ASCC1: variants seen among roughly 807,000 people sequenced by gnomAD.
The protein encoded by ASCC1 is activating signal cointegrator 1 complex subunit 1.
In ASCC1, 35 loss-of-function variants were observed where a neutral mutation model predicts 46.6. The ratio of observed to expected loss-of-function variants is 0.75; its 90% CI spans 0.57 to 0.99. The LOEUF is 0.99. Ranked by LOEUF, ASCC1 falls within the 50% of genes least tolerant of loss-of-function variation. The pLI is 0.00. For synonymous variants in ASCC1, 143 were observed against 146.6 expected (o/e 0.98, Z 0.18); for missense variants, 376 against 428.7 (o/e 0.88, Z 1.09).
chr10:72,196,032 G>A (rs944753084), intron 5 of ASCC1, among the ~76,000 whole-genome samples: 1 of 151,916 alleles, frequency 6.6e-6, no homozygotes, highest in African/African-American at 2.4e-5. Context: ...TCAACTAACT[G>A]ATATCCAAAA....
intron 7 of ASCC1, chr10:72,133,624 A>T (rs1845855034): frequency 4.1e-6 from 1 of 245,994 alleles, no homozygotes; most frequent in Middle Eastern, 1.5e-3. Context: ...TACAGTTATG[A>T]CAGAGAGTGA....
In ASCC1 at chr10:72,152,868, C is replaced by A. The variant is rs1438601329; in HGVS notation, c.746+1G>T. 1 of 1,614,066 alleles carries A rather than the reference C, an allele frequency of 6.2e-7. No individual in the cohort carries two copies. Among genetic ancestry groups the A allele is most frequent in the Admixed American group, 1.7e-5 (1 of 60,010 alleles). ...AACAAAGAAGCATTCCAGAAATATA[C>A]CTGTTGGAGCCATCTTTCATATGGA... On this transcript the variant is annotated splice_donor_variant, in intron 7 of 9. Coordinates refer to ENST00000672957, the MANE Select transcript of ASCC1 (RefSeq NM_001198800.3). LOFTEE classifies it high-confidence loss of function.
intron 9 of ASCC1, among the ~76,000 whole-genome samples, chr10:72,127,745 C>T (rs1018441327): frequency 2.1e-5 from 3 of 146,220 alleles, no homozygotes; most frequent in African/African-American, 7.9e-5. Context: ...TATTCCAGCA[C>T]TTTGGGAGAC....
At chr10:72,181,253 C>T (rs772023381) in intron 5 of ASCC1, among the ~76,000 whole-genome samples, 6 of 152,034 alleles carry the variant, frequency 3.9e-5, no homozygotes, top group Non-Finnish European at 8.8e-5. Context: ...TGTGAGCCAC[C>T]GCGCCCGGCC....
intron 6 of ASCC1, among the ~76,000 whole-genome samples, chr10:72,157,978 T>C (rs1771047514): frequency 6.6e-6 from 1 of 152,226 alleles, no homozygotes; most frequent in Non-Finnish European, 1.5e-5. Context: ...AATCTCTGAC[T>C]GTAACATTTC....
At chr10:72,186,729 G>A (rs888213230) in intron 5 of ASCC1, among the ~76,000 whole-genome samples, 1 of 152,038 alleles carries the variant, frequency 6.6e-6, no homozygotes, top group African/African-American at 2.4e-5. Flanking sequence ...GCTGTTATCA[G>A]GGCCGAATTT....
At chr10:72,143,163 G>GAA (rs34005540) in intron 7 of ASCC1, among the ~76,000 whole-genome samples, 42 of 87,336 alleles carry the variant, frequency 4.8e-4, no homozygotes, top group African/African-American at 1.5e-3. Context: ...TCCGTCTCAG[G>GAA]AAAAAAAAAA....
chr10:72,172,287 CAA>C (rs1851201488), intron 5 of ASCC1, among the ~76,000 whole-genome samples: 4 of 151,522 alleles, frequency 2.6e-5, no homozygotes, highest in Non-Finnish European at 4.4e-5. Flanking sequence ...TAGTGGTGCA[CAA>C]CTGTAATCCC....
chr10:72,105,841 T>C (rs908733821), intron 9 of ASCC1, among the ~76,000 whole-genome samples: 1 of 152,170 alleles, frequency 6.6e-6, no homozygotes, highest in African/African-American at 2.4e-5. Context: ...CCCATTGCCC[T>C]GTGACACAGC....
At chr10:72,210,907 C>T (rs1857992479) in intron 2 of ASCC1, 76 bp from the exon 3 acceptor site, 9 of 1,397,494 alleles carry the variant, frequency 6.4e-6, no homozygotes, top group Middle Eastern at 3.6e-4. Context: ...AGCTGTCAAC[C>T]GCTGTTGAGG....
intron 5 of ASCC1, among the ~76,000 whole-genome samples, chr10:72,193,327 C>T (rs1854834045): frequency 6.6e-6 from 1 of 152,124 alleles, no homozygotes; most frequent in South Asian, 2.1e-4. Context: ...ACTCCTGAGA[C>T]ACACACAACT....
At chr10:72,103,505 C>T (rs563894470) in intron 9 of ASCC1, among the ~76,000 whole-genome samples, 5 of 152,204 alleles carry the variant, frequency 3.3e-5, no homozygotes, top group African/African-American at 9.6e-5. Context: ...TGCCTAAAGA[C>T]ACACACGAAG....
rs757586373 is a variant in ASCC1 at position 72,152,975 on chromosome 10, C to A, written c.640G>T (p.Gly214Cys). 1.2e-6 allele frequency: 2 copies of A among 1,614,034 alleles called. No homozygotes were observed. The highest frequency in any genetic ancestry group is 2.2e-5 in the South Asian group (2 of 91,078). The part of the protein sequence containing the change: ...KEEFINDISG[G>C]KPLEVEMAGI... ...GCCATCTCCACTTCTAGGGGTTTAC[C>A]CCCAGAAATATCACTGCAAAGGAAA... The change falls in exon 7 of 10, where the codon GGT becomes TGT. Residue 214 changes from glycine (G) to cysteine (C), a missense_variant. Coordinates refer to ENST00000672957, the MANE Select transcript of ASCC1 (RefSeq NM_001198800.3).
At chr10:72,099,257 G>A (rs1841442251) in intron 9 of ASCC1, among the ~76,000 whole-genome samples, 1 of 152,164 alleles carries the variant, frequency 6.6e-6, no homozygotes. Context: ...ATCTGCCAGG[G>A]ATATTCTCCT....
At chr10:72,170,273 AT>A (rs1460543630) in intron 5 of ASCC1, among the ~76,000 whole-genome samples, 1 of 152,182 alleles carries the variant, frequency 6.6e-6, no homozygotes, top group African/African-American at 2.4e-5. Flanking sequence ...CTATAAAGAA[AT>A]TAATCAACAC....
rs1845709528 is a variant in ASCC1 at position 72,132,333 on chromosome 10, A to C, written c.871+724T>G. Among the ~76,000 whole-genome samples, 6 of 152,184 alleles carry C rather than the reference A, an allele frequency of 3.9e-5. No individual in the cohort carries two copies. In the South Asian group the frequency reaches 1.2e-3, roughly 31 times the overall value. On this transcript the variant is annotated intron_variant, in intron 8 of 9. Transcript: ENST00000672957. The stretch of plus-strand genomic sequence containing the variant: ...TGATCCGATGCTGAAGGTACTAGAG[A>C]AGCTTTCACTTTGGAGATAGGGACA...
At chr10:72,206,563 C>T (rs991953793) in intron 3 of ASCC1, among the ~76,000 whole-genome samples, 6 of 152,152 alleles carry the variant, frequency 3.9e-5, no homozygotes, top group Non-Finnish European at 8.8e-5. Flanking sequence ...ATGCCCCTAA[C>T]GTTAGTAGAT....
At chr10:72,099,148 C>A (rs889293498) in intron 9 of ASCC1, among the ~76,000 whole-genome samples, 3 of 152,172 alleles carry the variant, frequency 2.0e-5, no homozygotes, top group Non-Finnish European at 4.4e-5. Flanking sequence ...TCTCTTTGTG[C>A]CCATGTTTTC....
intron 3 of ASCC1, chr10:72,204,578 G>A: frequency 3.3e-6 from 5 of 1,514,498 alleles, no homozygotes; most frequent in Non-Finnish European, 4.4e-6. Flanking sequence ...ATCAAGTTAA[G>A]AACTCCTTGT....
Sources: allele counts gnomAD v4.1 joint callset (sites outside exome capture counted in the v4.1 genomes callset), GRCh38; gene constraint gnomAD v4.1.1; transcripts MANE v1.5; gene names NCBI Gene and HGNC (gene_info 2026-07-23, HGNC 2026-07-21).